DLG2: variants seen among roughly 807,000 people sequenced by gnomAD.
DLG2 encodes discs large MAGUK scaffold protein 2.
A neutral mutation model predicts 132.5 loss-of-function variants in DLG2; 45 were observed. That is an observed-to-expected ratio of 0.34 (90% CI 0.27 to 0.44). The LOEUF is 0.44. Ranked by LOEUF, DLG2 falls within the 20% of genes least tolerant of loss-of-function variation. The probability of loss-of-function intolerance (pLI) is 1.00; values close to 1 mark genes in which losing one functional copy is unlikely to be tolerated. For missense variants in DLG2, 1,045 were observed against 1,196.9 expected (o/e 0.87, Z 1.87); for synonymous variants, 424 against 419.6 (o/e 1.01, Z -0.13).
At chr11:84,740,962 C>G (rs752952340) in intron 6 of DLG2, among the ~76,000 whole-genome samples, 2 of 152,140 alleles carry the variant, frequency 1.3e-5, no homozygotes, top group Non-Finnish European at 2.9e-5. Context: ...CTTCACAAAA[C>G]CCACACACCC....
Position 84,473,961 on chromosome 11 carries a change from C to T in DLG2, c.519+60609G>A, listed in dbSNP as rs1398995878. ...TCACTATTGGTGAGCTATGGATTTTCAGCTGTGTTTCTCAGAGAGGTGGTA... is the reference window on the plus strand; with the variant it reads ...TCACTATTGGTGAGCTATGGATTTTTAGCTGTGTTTCTCAGAGAGGTGGTA... On this transcript the variant is annotated intron_variant, in intron 7 of 27. Transcript: ENST00000376104. Among the ~76,000 whole-genome samples, 27 of 151,992 alleles carry T rather than the reference C, an allele frequency of 1.8e-4. 1 individual carries two copies.
intron 4 of DLG2, among the ~76,000 whole-genome samples, chr11:85,202,182 A>T (rs1168828353): frequency 6.6e-6 from 1 of 151,952 alleles, no homozygotes; most frequent in Non-Finnish European, 1.5e-5. Flanking sequence ...ACCTGGAAAA[A>T]AATATAAATA....
intron 6 of DLG2, among the ~76,000 whole-genome samples, chr11:85,067,528 G>T (rs1172049870): frequency 2.0e-5 from 3 of 151,840 alleles, no homozygotes; most frequent in Non-Finnish European, 4.4e-5. Context: ...GTGTCCCAGA[G>T]ATTCTGGTAT....
chr11:84,804,405 G>C (rs2075767041), intron 6 of DLG2, among the ~76,000 whole-genome samples: 1 of 152,286 alleles, frequency 6.6e-6, no homozygotes, highest in South Asian at 2.1e-4. Context: ...CCAAGAACAT[G>C]AAGTAGAAGA....
intron 3 of DLG2, among the ~76,000 whole-genome samples, chr11:85,530,778 G>A (rs1418632189): frequency 6.6e-6 from 1 of 152,234 alleles, no homozygotes; most frequent in Non-Finnish European, 1.5e-5. Flanking sequence ...GGCCTCAACA[G>A]TTTATTGCCA....
intron 3 of DLG2, among the ~76,000 whole-genome samples, chr11:85,456,830 G>A (rs1201425599): frequency 1.3e-5 from 2 of 152,166 alleles, no homozygotes; most frequent in East Asian, 1.9e-4. Context: ...ATCTGAAAGT[G>A]TGGTTGGTAT....
At position 85,007,681 on chromosome 11, in the gene DLG2, A is replaced by G. The variant is rs1336106359; in HGVS notation, c.357+103980T>C. 1.2e-4 allele frequency among the ~76,000 whole-genome samples: 18 copies of G among 146,790 alleles called. No homozygotes were observed. In the South Asian group the frequency reaches 3.1e-3, roughly 25 times the overall value. On this transcript the variant is annotated intron_variant, in intron 6 of 27. Coordinates refer to ENST00000376104, the MANE Select transcript of DLG2 (RefSeq NM_001142699.3). The stretch of plus-strand genomic sequence containing the variant: ...CTCCGTCTCAAAAAAAAAAAAAAAA[A>G]AAAAAAAAAGAAAAGAAAAGAAAAA...
At chr11:85,222,912 C>T (rs1303352290) in intron 4 of DLG2, among the ~76,000 whole-genome samples, 1 of 152,090 alleles carries the variant, frequency 6.6e-6, no homozygotes, top group Non-Finnish European at 1.5e-5. Context: ...TTATCACTTC[C>T]CTTCTTCCAC....
chr11:83,966,748 C>T (rs960566599), intron 12 of DLG2, among the ~76,000 whole-genome samples: 1 of 151,986 alleles, frequency 6.6e-6, no homozygotes, highest in Non-Finnish European at 1.5e-5. Context: ...TTTTTTGTGA[C>T]AAGAGCAGCT....
chr11:83,588,102 C>A (rs1161350525), intron 19 of DLG2, among the ~76,000 whole-genome samples: 1 of 152,182 alleles, frequency 6.6e-6, no homozygotes, highest in Non-Finnish European at 1.5e-5. Context: ...AACAAAGCAG[C>A]TGGGAAGCTC....
In DLG2 at chr11:85,396,823, C is replaced by T. The variant is rs556181160; in HGVS notation, c.41-111458G>A. On this transcript the variant is annotated intron_variant, in intron 3 of 27. Coordinates refer to ENST00000376104, the MANE Select transcript of DLG2 (RefSeq NM_001142699.3). ...TTGATTGGTGTACTGGAAAGTGATG[C>T]GGAGAATTGAACCAAGTTAGAAAAC... Among the ~76,000 whole-genome samples, 10 of 152,174 alleles carry T rather than the reference C, an allele frequency of 6.6e-5. 1 individual carries two copies. In the South Asian group the frequency reaches 1.5e-3, roughly 22 times the overall value.
chr11:85,383,905 C>A (rs562108577), intron 3 of DLG2, among the ~76,000 whole-genome samples: 11 of 152,240 alleles, frequency 7.2e-5, no homozygotes, highest in African/African-American at 2.4e-4. Context: ...TAAATGTGCT[C>A]CACCTATTTG....
chr11:84,833,624 G>GA lies in DLG2; in HGVS notation c.357+278036dup, dbSNP rs994795140. On this transcript the variant is annotated intron_variant, in intron 6 of 27. Transcript: ENST00000376104. ...ATCAGCACCATAACAACAGGGTGAT[G>GA]AAAAAAAAAAGAGCAGGGAGTGGTG... Among the ~76,000 whole-genome samples, 74 of 146,380 alleles carry GA rather than the reference G, an allele frequency of 5.1e-4. 1 individual carries two copies. The South Asian group carries it at 7.3e-3, about 15-fold the overall frequency.
At chr11:84,242,690 G>A (rs1474996185) in intron 8 of DLG2, among the ~76,000 whole-genome samples, 1 of 152,138 alleles carries the variant, frequency 6.6e-6, no homozygotes, top group Non-Finnish European at 1.5e-5. Flanking sequence ...ACAGGCGTGA[G>A]CCACCGCACC....
intron 6 of DLG2, among the ~76,000 whole-genome samples, chr11:84,915,277 T>A (rs1406823226): frequency 2.0e-5 from 3 of 152,180 alleles, no homozygotes; most frequent in African/African-American, 7.2e-5. Flanking sequence ...CCCCATTATT[T>A]TTCTGATTAT....
At chr11:84,408,298 C>T (rs181382850) in intron 7 of DLG2, among the ~76,000 whole-genome samples, 193 of 151,548 alleles carry the variant, frequency 1.3e-3, no homozygotes, top group Admixed American at 2.2e-3. Flanking sequence ...GAAATATATG[C>T]CCAATATTTT....
intron 3 of DLG2, among the ~76,000 whole-genome samples, chr11:85,467,123 G>A (rs187852173): frequency 2.6e-4 from 40 of 152,222 alleles, no homozygotes; most frequent in Non-Finnish European, 1.2e-4. Flanking sequence ...TCTGTTATGG[G>A]TGTATAAGAA....
chr11:84,846,942 G>C (rs1236269703), intron 6 of DLG2, among the ~76,000 whole-genome samples: 1 of 152,076 alleles, frequency 6.6e-6, no homozygotes, highest in Admixed American at 6.6e-5. Context: ...GAGAAAAAGA[G>C]ACTCAGCCAT....
At chr11:83,462,307 C>A (rs2090174965) in intron 26 of DLG2, among the ~76,000 whole-genome samples, 1 of 152,150 alleles carries the variant, frequency 6.6e-6, no homozygotes, top group East Asian at 1.9e-4. Flanking sequence ...GTCTCTTGGT[C>A]CCACATTGGA....
Sources: allele counts gnomAD v4.1 joint callset (sites outside exome capture counted in the v4.1 genomes callset), GRCh38; gene constraint gnomAD v4.1.1; transcripts MANE v1.5; gene names NCBI Gene and HGNC (gene_info 2026-07-23, HGNC 2026-07-21).